DPY19L1: variants seen among roughly 807,000 people sequenced by gnomAD.
DPY19L1 encodes the protein dpy-19 like C-mannosyltransferase 1.
A neutral mutation model predicts 96.9 loss-of-function variants in DPY19L1; 35 were observed. The ratio of observed to expected loss-of-function variants is 0.36; its 90% CI spans 0.28 to 0.48. DPY19L1 has a LOEUF of 0.48. Ranked by LOEUF, DPY19L1 falls within the 20% of genes least tolerant of loss-of-function variation. The pLI is 0.99. For synonymous variants in DPY19L1, 205 were observed against 252.6 expected, an observed-to-expected ratio of 0.81 and a Z score of 1.79; for missense variants, 521 against 777.9, an observed-to-expected ratio of 0.67 and a Z score of 3.93.
intron 6 of DPY19L1, among the ~76,000 whole-genome samples, chr7:34,993,009 T>C (rs1785206722): frequency 1.3e-5 from 2 of 152,206 alleles, no homozygotes. Flanking sequence ...TCCTGAGTGG[T>C]CTACCCTCAC....
chr7:34,934,259 G>A (rs572117073), intron 21 of DPY19L1, among the ~76,000 whole-genome samples: 44 of 152,088 alleles, frequency 2.9e-4, no homozygotes, highest in Non-Finnish European at 4.1e-4. Context: ...CACCGCGCCC[G>A]GCCACATCTA....
chr7:35,021,562 A>C (rs1457213583), intron 1 of DPY19L1, among the ~76,000 whole-genome samples: 1 of 152,246 alleles, frequency 6.6e-6, no homozygotes. Context: ...TAAGTACTTT[A>C]CTTGTACTAG....
intron 6 of DPY19L1, among the ~76,000 whole-genome samples, chr7:35,005,234 C>A (rs1469908149): frequency 6.6e-6 from 1 of 151,858 alleles, no homozygotes; most frequent in Admixed American, 6.6e-5. Context: ...GAGAACGATA[C>A]AAAGAAATGA....
intron 15 of DPY19L1, among the ~76,000 whole-genome samples, chr7:34,946,516 G>C (rs1584207124): frequency 1.3e-5 from 2 of 152,312 alleles, no homozygotes; most frequent in East Asian, 1.9e-4. Context: ...CACTCAGGTT[G>C]CTGTCTTTTG....
At chr7:34,999,110 C>G (rs1284998942) in intron 6 of DPY19L1, among the ~76,000 whole-genome samples, 1 of 152,054 alleles carries the variant, frequency 6.6e-6, no homozygotes, top group Non-Finnish European at 1.5e-5. Flanking sequence ...AAAGTAAGTG[C>G]CCAGATAGAG....
At chr7:35,009,596 T>C (rs1785650301) in intron 6 of DPY19L1, among the ~76,000 whole-genome samples, 1 of 152,216 alleles carries the variant, frequency 6.6e-6, no homozygotes, top group Admixed American at 6.5e-5. Context: ...TATCATTTGA[T>C]AATGAGTGGT....
At position 34,931,740 on chromosome 7, in the gene DPY19L1, G is replaced by A. The variant is rs1471836741; in HGVS notation, c.2091-11C>T. The A allele has an allele frequency of 1.3e-6, 2 of 1,571,422 alleles. No homozygotes were observed. Among genetic ancestry groups the A allele is most frequent in the African/African-American group, 2.7e-5 (2 of 73,360 alleles). On this transcript the variant is annotated splice_polypyrimidine_tract_variant and intron_variant, in intron 21 of 21. Coordinates refer to ENST00000638088, the MANE Select transcript of DPY19L1 (RefSeq NM_001366673.1). ...ATACTGCAACCAGGCCTAGAAAAAT[G>A]AATGTACATGTTAAAAATCAATATG...
intron 16 of DPY19L1, among the ~76,000 whole-genome samples, chr7:34,945,421 A>G (rs1281668117): frequency 6.6e-6 from 1 of 152,172 alleles, no homozygotes; most frequent in Non-Finnish European, 1.5e-5. Flanking sequence ...GTGTCCTTTG[A>G]GTGTAGATTA....
At chr7:35,018,744 AATTGTG>A in intron 1 of DPY19L1, 148 bp from the exon 2 acceptor site, 1 of 667,734 alleles carries the variant, frequency 1.5e-6, no homozygotes, top group Non-Finnish European at 2.6e-6. Flanking sequence ...CTACGTTTAA[AATTGTG>A]ATTGACTAGC....
chr7:34,931,740 G>C lies in DPY19L1; in HGVS notation c.2091-11C>G. The C allele has an allele frequency of 6.4e-7, 1 of 1,571,540 alleles. No homozygotes were observed. The highest frequency in any genetic ancestry group is 8.6e-7 in the Non-Finnish European group (1 of 1,162,738). Reference sequence around the variant, plus strand: ...ATACTGCAACCAGGCCTAGAAAAATGAATGTACATGTTAAAAATCAATATG... The same window carrying C: ...ATACTGCAACCAGGCCTAGAAAAATCAATGTACATGTTAAAAATCAATATG... On this transcript the variant is annotated splice_polypyrimidine_tract_variant and intron_variant, in intron 21 of 21. Coordinates refer to ENST00000638088, the MANE Select transcript of DPY19L1 (RefSeq NM_001366673.1).
intron 4 of DPY19L1, among the ~76,000 whole-genome samples, chr7:35,011,990 G>A (rs1016626234): frequency 2.6e-5 from 4 of 152,184 alleles, no homozygotes; most frequent in African/African-American, 4.8e-5. Flanking sequence ...TGGTACAAGC[G>A]GTGGCAAGCC....
At chr7:35,009,239 A>T (rs1254686979) in intron 6 of DPY19L1, among the ~76,000 whole-genome samples, 4 of 152,242 alleles carry the variant, frequency 2.6e-5, no homozygotes, top group African/African-American at 9.6e-5. Flanking sequence ...AAAATGCCAC[A>T]CTTCCAAAGG....
chr7:34,975,680 C>T (rs1257878334), intron 7 of DPY19L1, among the ~76,000 whole-genome samples: 1 of 152,158 alleles, frequency 6.6e-6, no homozygotes, highest in African/African-American at 2.4e-5. Context: ...TGGCTGGCTT[C>T]AAAACATCAA....
chr7:35,017,877 C>G lies in DPY19L1; in HGVS notation c.411+5G>C. On this transcript the variant is annotated splice_donor_5th_base_variant and intron_variant, in intron 3 of 21. Transcript: ENST00000638088. ...ACTATGATGAAATCCCAAATAAAAA[C>G]TAACCATTTCAGTGCGAAAAGCCAT... The G allele has an allele frequency of 1.3e-6, 2 of 1,578,180 alleles. No homozygotes were observed. Among genetic ancestry groups the G allele is most frequent in the African/African-American group, 1.4e-5 (1 of 73,552 alleles).
intron 1 of DPY19L1, among the ~76,000 whole-genome samples, chr7:35,023,336 T>C (rs329248): frequency 0.2 from 30,399 of 151,928 alleles, 3,381 homozygotes; most frequent in Admixed American, 0.35. Context: ...AAGCTAAAGT[T>C]TGAGACTCAC....
intron 21 of DPY19L1, among the ~76,000 whole-genome samples, chr7:34,936,129 TCA>T (rs1432454743): frequency 6.6e-6 from 1 of 152,240 alleles, no homozygotes; most frequent in Non-Finnish European, 1.5e-5. Context: ...ACCCCAACTC[TCA>T]GTCTGATTGC....
At chr7:35,008,488 C>T (rs1292804059) in intron 6 of DPY19L1, among the ~76,000 whole-genome samples, 1 of 152,172 alleles carries the variant, frequency 6.6e-6, no homozygotes, top group Non-Finnish European at 1.5e-5. Context: ...ACAAGCATTA[C>T]AAGAAAATGT....
intron 9 of DPY19L1, 144 bp from the exon 10 acceptor site, chr7:34,967,115 TTAAATA>T (rs1784627823): frequency 1.9e-6 from 1 of 527,666 alleles, no homozygotes; most frequent in Admixed American, 4.8e-5. Context: ...CAATTTATTA[TTAAATA>T]TAGTCAATAT....
At chr7:35,037,832 C>G, upstream of DPY19L1, 1 of 1,230,736 alleles carries the variant, frequency 8.1e-7, no homozygotes, top group Non-Finnish European at 1.0e-6. Flanking sequence ...TCGGCGCCCG[C>G]GCGGGGCTCG....
Sources: gnomAD v4.1 joint callset for allele counts (sites outside exome capture counted in the v4.1 genomes callset) on GRCh38, gnomAD v4.1.1 for gene constraint, MANE v1.5 for transcripts, NCBI Gene and HGNC (gene_info 2026-07-23, HGNC 2026-07-21) for gene names.